Variants in KCNH1 observed in about 807,000 individuals in gnomAD.
KCNH1 encodes the protein voltage-gated delayed rectifier potassium channel KCNH1.
KCNH1 carries 27 observed loss-of-function variants against 69.2 expected under a neutral mutation model. The observed-to-expected ratio is 0.39, with a 90% confidence interval of 0.29 to 0.54. KCNH1 has a LOEUF of 0.54. Among genes scored for constraint, KCNH1 ranks in the 20% least tolerant of loss-of-function variants. The pLI is 0.68. For synonymous variants in KCNH1, 456 were observed against 487.7 expected (o/e 0.93, Z 0.86); for missense variants, 798 against 1,261.6 (o/e 0.63, Z 5.57).
intron 6 of KCNH1, among the ~76,000 whole-genome samples, chr1:210,922,267 A>C (rs1558527007): frequency 6.6e-6 from 1 of 151,898 alleles, no homozygotes; most frequent in Non-Finnish European, 1.5e-5. Flanking sequence ...CTGTGGTCCC[A>C]GCTACTTGGG....
chr1:211,058,152 CCAGA>C (rs1359984753), intron 5 of KCNH1, among the ~76,000 whole-genome samples: 1 of 151,978 alleles, frequency 6.6e-6, no homozygotes, highest in Non-Finnish European at 1.5e-5. Flanking sequence ...AAATATTTTC[CCAGA>C]CAAACAAAAG....
chr1:210,735,930 A>G (rs918888557), intron 10 of KCNH1, among the ~76,000 whole-genome samples: 1 of 152,018 alleles, frequency 6.6e-6, no homozygotes, highest in Admixed American at 6.6e-5. Context: ...TGTTTTGTTC[A>G]AGATTTTATA....
chr1:210,729,267 G>A (rs1682684019), intron 10 of KCNH1, among the ~76,000 whole-genome samples: 1 of 152,078 alleles, frequency 6.6e-6, no homozygotes. Flanking sequence ...TTTCTTTTAT[G>A]TCCTTATCCC....
intron 7 of KCNH1, among the ~76,000 whole-genome samples, chr1:210,844,705 G>A (rs1265772466): frequency 2.6e-5 from 4 of 152,166 alleles, no homozygotes; most frequent in Non-Finnish European, 5.9e-5. Flanking sequence ...AACGCTAGCA[G>A]AAGGCAAGAA....
Position 210,914,767 on chromosome 1 carries a change from G to C in KCNH1, c.1462+4873C>G, listed in dbSNP as rs138913860. Among the ~76,000 whole-genome samples the C allele has an allele frequency of 3.0e-3, 452 of 151,180 alleles. 4 individuals are homozygous for C. The highest frequency in any genetic ancestry group is 0.01 in the African/African-American group (417 of 41,462). On this transcript the variant is annotated intron_variant, in intron 7 of 10. Transcript: ENST00000271751. ...CAAGAGTCCCTTTAGCTGACGCTCA[G>C]CTAGAGTTTTAAGGACCTAAAGTGG...
intron 7 of KCNH1, chr1:210,860,863 C>A: frequency 1.1e-6 from 1 of 921,626 alleles, no homozygotes; most frequent in Admixed American, 1.7e-5. Context: ...AGCCCTTGCT[C>A]TCATGTAGCC....
At chr1:210,704,804 C>T (rs1681867484) in intron 10 of KCNH1, among the ~76,000 whole-genome samples, 1 of 152,192 alleles carries the variant, frequency 6.6e-6, no homozygotes, top group Non-Finnish European at 1.5e-5. Context: ...TTTATTTAAA[C>T]CCAGTTCCAC....
At chr1:210,750,655 G>A (rs908752656) in intron 10 of KCNH1, among the ~76,000 whole-genome samples, 8 of 151,998 alleles carry the variant, frequency 5.3e-5, no homozygotes, top group African/African-American at 1.9e-4. Flanking sequence ...GGGCCAGGAT[G>A]GGATTACAGG....
intron 6 of KCNH1, among the ~76,000 whole-genome samples, chr1:210,983,991 C>T (rs1448913744): frequency 1.3e-5 from 2 of 152,040 alleles, no homozygotes; most frequent in Non-Finnish European, 2.9e-5. Flanking sequence ...CCTTCACATC[C>T]CTTGTTAGTT....
chr1:210,954,613 G>T (rs1301743791), intron 6 of KCNH1, among the ~76,000 whole-genome samples: 1 of 152,110 alleles, frequency 6.6e-6, no homozygotes, highest in Non-Finnish European at 1.5e-5. Context: ...GGCATGAGAT[G>T]ATATCTCATT....
chr1:211,051,551 T>C (rs879935499), intron 5 of KCNH1, among the ~76,000 whole-genome samples: 7 of 152,024 alleles, frequency 4.6e-5, no homozygotes, highest in Non-Finnish European at 8.8e-5. Flanking sequence ...TCCAGGCAAA[T>C]GGAGGGCATG....
chr1:210,741,336 T>C (rs1458929736), intron 10 of KCNH1, among the ~76,000 whole-genome samples: 1 of 152,128 alleles, frequency 6.6e-6, no homozygotes, highest in Non-Finnish European at 1.5e-5. Context: ...ACATGCTCCA[T>C]ATAAATGGTG....
At chr1:211,074,381 A>G (rs766480225) in intron 5 of KCNH1, among the ~76,000 whole-genome samples, 9 of 152,108 alleles carry the variant, frequency 5.9e-5, no homozygotes, top group South Asian at 2.1e-4. Context: ...TTAATTTTAT[A>G]TCATAGTTAT....
At chr1:210,846,990 C>T (rs1574292966) in intron 7 of KCNH1, among the ~76,000 whole-genome samples, 1 of 152,208 alleles carries the variant, frequency 6.6e-6, no homozygotes, top group Non-Finnish European at 1.5e-5. Context: ...TGCTCACCAT[C>T]ACTGGCCATC....
chr1:210,786,567 TCCCTCG>T (rs1194607336), intron 9 of KCNH1, among the ~76,000 whole-genome samples: 1 of 152,104 alleles, frequency 6.6e-6, no homozygotes, highest in Non-Finnish European at 1.5e-5. Flanking sequence ...CTTCTTTCTC[TCCCTCG>T]TCTCCCTGGG....
intron 7 of KCNH1, among the ~76,000 whole-genome samples, chr1:210,902,442 C>T (rs964033757): frequency 6.6e-6 from 1 of 151,844 alleles, no homozygotes; most frequent in Admixed American, 6.5e-5. Flanking sequence ...TGGGCCCTCA[C>T]ACCTCTGTGC....
chr1:211,035,334 C>T (rs994129828), intron 5 of KCNH1, among the ~76,000 whole-genome samples: 128 of 142,148 alleles, frequency 9.0e-4, no homozygotes, highest in Admixed American at 8.8e-3. Flanking sequence ...CTGCAAGCTC[C>T]GCCTCCCGGG....
rs1681187285 is a variant in KCNH1, at chr1:210,678,413, A to G, written c.*4868T>C. On this transcript the variant is annotated 3_prime_UTR_variant, in exon 11 of 11. Transcript: ENST00000271751. The stretch of plus-strand genomic sequence containing the variant: ...AAATGTTGAGAAGGGAATATCATCA[A>G]TGGAAGGGCCTGCACGTTCCTCTTA... 6.6e-6 allele frequency: 1 copy of G among 152,164 alleles called. No homozygotes were observed. 9.4% of individuals were successfully genotyped at this position (152,164 alleles called of 1,614,324 possible). A position where few individuals can be genotyped will look rare whatever the true frequency, so the allele number is the denominator to read the frequency against.
At chr1:211,042,661 A>G (rs1270411393) in intron 5 of KCNH1, among the ~76,000 whole-genome samples, 1 of 152,182 alleles carries the variant, frequency 6.6e-6, no homozygotes, top group Non-Finnish European at 1.5e-5. Context: ...CAACCACAGA[A>G]TTTACATTCT....
Sources: gnomAD v4.1 joint callset for allele counts (sites outside exome capture counted in the v4.1 genomes callset) on GRCh38, gnomAD v4.1.1 for gene constraint, MANE v1.5 for transcripts, NCBI Gene and HGNC (gene_info 2026-07-23, HGNC 2026-07-21) for gene names.